Variants in RBFOX3 observed in about 807,000 individuals in gnomAD.
RBFOX3 encodes the protein RNA binding fox-1 homolog 3, also known as RNA binding protein fox-1 homolog 3.
A neutral mutation model predicts 48.7 loss-of-function variants in RBFOX3; 17 were observed. That is an observed-to-expected ratio of 0.35 (90% CI 0.24 to 0.52). The LOEUF is 0.52. Ranked by LOEUF, RBFOX3 falls within the 20% of genes least tolerant of loss-of-function variation. The pLI is 0.94. For missense variants in RBFOX3, 382 were observed against 497.5 expected (o/e 0.77, Z 2.21); for synonymous variants, 212 against 209.5 (o/e 1.01, Z -0.10).
chr17:79,213,437 C>G (rs1392143652), intron 4 of RBFOX3, among the ~76,000 whole-genome samples: 2 of 152,238 alleles, frequency 1.3e-5, no homozygotes, highest in Admixed American at 6.5e-5. Flanking sequence ...CTACCAGGAC[C>G]TAAATCCAGC....
At chr17:79,493,225 T>C (rs1317223345) in intron 1 of RBFOX3, among the ~76,000 whole-genome samples, 3 of 151,980 alleles carry the variant, frequency 2.0e-5, no homozygotes, top group African/African-American at 7.3e-5. Flanking sequence ...GAGGGACAAC[T>C]CACTCATCAC....
At chr17:79,611,189 C>G (rs2093965860), upstream of RBFOX3, among the ~76,000 whole-genome samples, 2 of 119,856 alleles carry the variant, frequency 1.7e-5, no homozygotes, top group Non-Finnish European at 3.5e-5. Flanking sequence ...CTCCTTCTCT[C>G]TCTCTCTCTC....
intron 2 of RBFOX3, among the ~76,000 whole-genome samples, chr17:79,416,854 C>T (rs574527084): frequency 2.6e-5 from 4 of 152,246 alleles, no homozygotes; most frequent in Non-Finnish European, 5.9e-5. Context: ...AAACTGTGGG[C>T]CCAGGGGATG....
chr17:79,466,695 A>AT (rs1252619181), intron 2 of RBFOX3, among the ~76,000 whole-genome samples: 1 of 152,138 alleles, frequency 6.6e-6, no homozygotes, highest in Non-Finnish European at 1.5e-5. Flanking sequence ...AGAGAAAGCG[A>AT]TTTTGCTAAT....
At chr17:79,164,394 T>C (rs1220140494) in intron 4 of RBFOX3, among the ~76,000 whole-genome samples, 1 of 152,176 alleles carries the variant, frequency 6.6e-6, no homozygotes, top group Non-Finnish European at 1.5e-5. Flanking sequence ...ATACAGGTGC[T>C]GGACTGTCCT....
intron 4 of RBFOX3, among the ~76,000 whole-genome samples, chr17:79,176,880 A>G (rs1301603222): frequency 2.6e-5 from 4 of 152,234 alleles, no homozygotes; most frequent in Non-Finnish European, 5.9e-5. Context: ...AGGCAGAAGA[A>G]AAAGGGTTAA....
intron 1 of RBFOX3, among the ~76,000 whole-genome samples, chr17:79,579,873 G>T (rs2092995328): frequency 8.5e-6 from 1 of 117,708 alleles, no homozygotes; most frequent in African/African-American, 3.3e-5. Context: ...GCGCTGTGGT[G>T]GGGGGTCACT....
chr17:79,115,675 G>A lies in RBFOX3; in HGVS notation c.41C>T (p.Pro14Leu). 1 of 1,167,476 alleles carries A rather than the reference G, an allele frequency of 8.6e-7. No individual in the cohort carries two copies. Among genetic ancestry groups the A allele is most frequent in the Non-Finnish European group, 1.2e-6 (1 of 846,026 alleles). 72.3% of individuals were successfully genotyped at this position (1,167,476 alleles called of 1,614,324 possible). Residue 14 changes from proline to leucine, a missense_variant, in exon 5 of 15, where the codon CCA becomes CTA. This residue lies in a region of RBFOX3 where 118 missense variants were observed against 132.1 expected (regional missense o/e 0.89). Coordinates refer to ENST00000693108, the MANE Select transcript of RBFOX3 (RefSeq NM_001350451.2). Reference protein sequence around the residue: ...PYPPAQYPPPPQNGIPAEYAP... With the variant: ...PYPPAQYPPPLQNGIPAEYAP... ...GTACTCGGCAGGGATGCCGTTCTGT[G>A]GCGGAGGGGGGTACTGGGCGGGGGG... is the stretch of plus-strand genomic sequence containing the variant.
rs191861639 is a variant in RBFOX3, at chr17:79,136,778, G to A, written c.-33-21030C>T. Among the ~76,000 whole-genome samples, 32 of 152,318 alleles carry A rather than the reference G, an allele frequency of 2.1e-4. No individual in the cohort carries two copies. In the East Asian group the frequency reaches 5.8e-3, roughly 28 times the overall value. ...CAGGGCAGGCGGCAGTGCCAGGCCA[G>A]CTCTCATCTGAGCCTGCTCTGCTCC... On this transcript the variant is annotated intron_variant, in intron 4 of 14. Coordinates refer to ENST00000693108, the MANE Select transcript of RBFOX3 (RefSeq NM_001350451.2).
chr17:79,554,016 G>A (rs36193328), intron 1 of RBFOX3, among the ~76,000 whole-genome samples: 2,544 of 152,306 alleles, frequency 0.017, 60 homozygotes, highest in African/African-American at 0.057. Flanking sequence ...TTACAGGCGT[G>A]AGCCACTGTG....
chr17:79,571,948 C>T (rs1291623187), intron 1 of RBFOX3, among the ~76,000 whole-genome samples: 2 of 152,320 alleles, frequency 1.3e-5, no homozygotes, highest in Non-Finnish European at 2.9e-5. Flanking sequence ...GCCGACCCCT[C>T]ACCTGCAGGA....
intron 4 of RBFOX3, among the ~76,000 whole-genome samples, chr17:79,122,070 C>T (rs1012794960): frequency 6.6e-5 from 10 of 151,776 alleles, no homozygotes; most frequent in Admixed American, 2.6e-4. Flanking sequence ...CAGTCCAGCA[C>T]ATAGTCCTAA....
chr17:79,182,905 G>T (rs893990016), intron 4 of RBFOX3, among the ~76,000 whole-genome samples: 1 of 149,882 alleles, frequency 6.7e-6, no homozygotes, highest in Non-Finnish European at 1.5e-5. Context: ...AGTCCCCAGC[G>T]GCCCGGCGCG....
intron 2 of RBFOX3, among the ~76,000 whole-genome samples, chr17:79,475,584 A>G (rs1199903358): frequency 6.6e-6 from 1 of 152,146 alleles, no homozygotes; most frequent in African/African-American, 2.4e-5. Context: ...AGATGTGATG[A>G]AGGTAAGAGG....
chr17:79,389,481 T>TA (rs1344091368), intron 2 of RBFOX3, among the ~76,000 whole-genome samples: 1 of 152,170 alleles, frequency 6.6e-6, no homozygotes, highest in Non-Finnish European at 1.5e-5. Flanking sequence ...TGAGGGGGTA[T>TA]TTACAGCAGG....
intron 1 of RBFOX3, among the ~76,000 whole-genome samples, chr17:79,569,392 G>A (rs1229452797): frequency 1.3e-5 from 2 of 152,294 alleles, no homozygotes; most frequent in Admixed American, 6.5e-5. Flanking sequence ...GTTCATCCAT[G>A]CTGTAGACTG....
intron 2 of RBFOX3, among the ~76,000 whole-genome samples, chr17:79,422,839 A>T (rs1267347026): frequency 6.6e-6 from 1 of 152,088 alleles, no homozygotes; most frequent in Non-Finnish European, 1.5e-5. Flanking sequence ...AGTCACAGGG[A>T]CCCTCATCGG....
chr17:79,173,812 T>A (rs941083333), intron 4 of RBFOX3, among the ~76,000 whole-genome samples: 1 of 151,256 alleles, frequency 6.6e-6, no homozygotes, highest in African/African-American at 2.4e-5. Context: ...ATTTTTTACA[T>A]CATCCACCTA....
intron 4 of RBFOX3, among the ~76,000 whole-genome samples, chr17:79,159,781 C>G (rs2046577986): frequency 6.6e-6 from 1 of 152,224 alleles, no homozygotes; most frequent in Admixed American, 6.5e-5. Flanking sequence ...TGCTCACAAC[C>G]ACTCACACAC....
Sources: allele counts gnomAD v4.1 joint callset (sites outside exome capture counted in the v4.1 genomes callset), GRCh38; gene constraint gnomAD v4.1.1; regional missense constraint gnomAD v4.1.1; transcripts MANE v1.5; gene names NCBI Gene and HGNC (gene_info 2026-07-23, HGNC 2026-07-21).